Variants in ROBO1 observed in about 807,000 individuals in gnomAD.
ROBO1 encodes the protein roundabout homolog 1.
In ROBO1, 149 loss-of-function variants were observed where a neutral mutation model predicts 195.9. The observed-to-expected ratio is 0.76, with a 90% CI of 0.67 to 0.87. The LOEUF (loss-of-function observed/expected upper bound fraction) is 0.87. Ranked by LOEUF, ROBO1 falls within the 40% of genes least tolerant of loss-of-function variation. The pLI is 0.00. For synonymous variants in ROBO1, 816 were observed against 733.2 expected (o/e 1.11, Z -1.82); for missense variants, 1,933 against 2,068.3 (o/e 0.93, Z 1.27).
intron 4 of ROBO1, among the ~76,000 whole-genome samples, chr3:78,885,909 T>TTATATATATATATATATATATATA (rs10651992): frequency 7.6e-5 from 9 of 117,742 alleles, no homozygotes; most frequent in East Asian, 2.6e-4. Context: ...TAGCAAAATT[T>TTATATATATATATATATATATATA]TATATATATA....
intron 1 of ROBO1, among the ~76,000 whole-genome samples, chr3:79,728,621 T>C (rs562509220): frequency 1.3e-5 from 2 of 152,286 alleles, no homozygotes; most frequent in East Asian, 3.9e-4. Flanking sequence ...CTTTTAAACA[T>C]GACTACAATT....
At chr3:78,886,280 T>G (rs2036567294) in intron 4 of ROBO1, among the ~76,000 whole-genome samples, 2 of 152,008 alleles carry the variant, frequency 1.3e-5, no homozygotes, top group Admixed American at 1.3e-4. Context: ...CGCCAACATA[T>G]TTTATCAGTT....
intron 1 of ROBO1, among the ~76,000 whole-genome samples, chr3:79,664,353 T>C (rs949253324): frequency 6.6e-6 from 1 of 151,996 alleles, no homozygotes; most frequent in Non-Finnish European, 1.5e-5. Flanking sequence ...AGACAATCAG[T>C]ACTTTGTAAA....
intron 4 of ROBO1, among the ~76,000 whole-genome samples, chr3:78,893,065 C>G (rs1383291473): frequency 6.6e-6 from 1 of 152,182 alleles, no homozygotes; most frequent in African/African-American, 2.4e-5. Flanking sequence ...CTGTGGTAAG[C>G]ACAGCGTACT....
At chr3:79,627,306 T>C (rs554373042) in intron 1 of ROBO1, among the ~76,000 whole-genome samples, 3 of 152,176 alleles carry the variant, frequency 2.0e-5, no homozygotes, top group African/African-American at 4.8e-5. Flanking sequence ...AACAGACCTA[T>C]AGACCAATGG....
At chr3:79,488,786 T>C (rs1939294156) in intron 2 of ROBO1, among the ~76,000 whole-genome samples, 1 of 152,136 alleles carries the variant, frequency 6.6e-6, no homozygotes, top group Non-Finnish European at 1.5e-5. Flanking sequence ...CCTGGCGCCA[T>C]GTACTTTGGA....
chr3:79,444,061 G>A (rs1013583134), intron 2 of ROBO1, among the ~76,000 whole-genome samples: 1 of 151,748 alleles, frequency 6.6e-6, no homozygotes, highest in African/African-American at 2.4e-5. Flanking sequence ...AAATCTAAAT[G>A]ATCTTTCAGA....
intron 3 of ROBO1, among the ~76,000 whole-genome samples, chr3:79,044,369 T>C (rs1443258754): frequency 6.6e-6 from 1 of 152,124 alleles, no homozygotes; most frequent in Non-Finnish European, 1.5e-5. Context: ...TCTAATATCA[T>C]CTTATATCCA....
chr3:79,166,560 C>CTTT (rs968334923), intron 2 of ROBO1, among the ~76,000 whole-genome samples: 57 of 135,104 alleles, frequency 4.2e-4, no homozygotes, highest in African/African-American at 1.1e-3. Flanking sequence ...TTCTATTTTT[C>CTTT]TTTTTTTTTT....
chr3:79,175,764 C>T (rs11928467), intron 2 of ROBO1, among the ~76,000 whole-genome samples: 13,416 of 152,138 alleles, frequency 0.088, 1,024 homozygotes, highest in African/African-American at 0.2. Context: ...AATTTTCAGC[C>T]ACAATGATTA....
At chr3:79,590,025 G>A (rs1943949895) in intron 1 of ROBO1, 64 bp from the exon 2 acceptor site, 1 of 666,530 alleles carries the variant, frequency 1.5e-6, no homozygotes, top group Non-Finnish European at 2.6e-6. Flanking sequence ...ATTATTTTGT[G>A]AAACATTGCA....
chr3:79,631,158 A>T (rs1476447026), intron 1 of ROBO1, among the ~76,000 whole-genome samples: 1 of 144,354 alleles, frequency 6.9e-6, no homozygotes, highest in South Asian at 2.1e-4. Flanking sequence ...TCTAAAATTC[A>T]TATGGAACAA....
At chr3:79,533,216 T>C (rs1941728594) in intron 2 of ROBO1, 1 of 186,460 alleles carries the variant, frequency 5.4e-6, no homozygotes, top group South Asian at 7.9e-5. Flanking sequence ...ACTACACTAA[T>C]GGTTTCTCCT....
At chr3:79,674,893 TCAAC>T (rs1338598533) in intron 1 of ROBO1, among the ~76,000 whole-genome samples, 3 of 151,306 alleles carry the variant, frequency 2.0e-5, no homozygotes, top group Admixed American at 6.6e-5. Context: ...GAAACATTAC[TCAAC>T]CAAAGTAATT....
chr3:78,618,028 TCA>T lies in ROBO1; in HGVS notation c.3887_3888del (p.Val1296GlufsTer56), dbSNP rs1437495182. 1.2e-6 allele frequency: 2 copies of T among 1,612,000 alleles called. No individual in the cohort carries two copies. The highest frequency in any genetic ancestry group is 8.5e-7 in the Non-Finnish European group (1 of 1,178,804). Reference sequence around the variant, plus strand: ...ATCGGCCGTGGTGGTGGAGGAGGACTCACAGGCTGCCGTCTGTATGAAGATGA... The same window carrying T: ...ATCGGCCGTGGTGGTGGAGGAGGACTCAGGCTGCCGTCTGTATGAAGATGA... ...QHQPDRRRQP[V>X]SPPPPPRPIS... On this transcript the variant is annotated frameshift_variant, in exon 27 of 31. Coordinates refer to ENST00000464233, the MANE Select transcript of ROBO1 (RefSeq NM_002941.4). LOFTEE classifies it high-confidence loss of function.
At chr3:79,192,344 G>A (rs2081555498) in intron 2 of ROBO1, among the ~76,000 whole-genome samples, 2 of 151,606 alleles carry the variant, frequency 1.3e-5, no homozygotes, top group South Asian at 4.1e-4. Context: ...AGTGGTTCCT[G>A]CTTTCACTGA....
chr3:79,714,552 A>T (rs1186927035), intron 1 of ROBO1, among the ~76,000 whole-genome samples: 1 of 151,894 alleles, frequency 6.6e-6, no homozygotes, highest in Non-Finnish European at 1.5e-5. Flanking sequence ...ATGCACATGT[A>T]TGTTTATTGT....
At chr3:79,408,034 C>G (rs1254935367) in intron 2 of ROBO1, among the ~76,000 whole-genome samples, 1 of 151,766 alleles carries the variant, frequency 6.6e-6, no homozygotes, top group East Asian at 1.9e-4. Flanking sequence ...GATTAAATGT[C>G]TACCTTAAAA....
intron 2 of ROBO1, among the ~76,000 whole-genome samples, chr3:79,445,283 T>G (rs2039202556): frequency 6.6e-6 from 1 of 151,904 alleles, no homozygotes. Context: ...TATGTATATA[T>G]TCAGTCTCAT....
Sources: allele counts gnomAD v4.1 joint callset (sites outside exome capture counted in the v4.1 genomes callset), GRCh38; gene constraint gnomAD v4.1.1; transcripts MANE v1.5; gene names NCBI Gene and HGNC (gene_info 2026-07-23, HGNC 2026-07-21).